Variants in PPARGC1A observed in about 807,000 individuals in gnomAD.
PPARGC1A encodes peroxisome proliferator-activated receptor gamma coactivator 1-alpha.
In PPARGC1A, 25 loss-of-function variants were observed where a neutral mutation model predicts 88.7. That is an observed-to-expected ratio of 0.28 (90% confidence interval 0.21 to 0.39). PPARGC1A has a LOEUF of 0.39. Ranked by LOEUF, PPARGC1A falls within the 10% of genes least tolerant of loss-of-function variation. The pLI is 1.00. For missense variants in PPARGC1A, 880 were observed against 968.7 expected (o/e 0.91, Z 1.22); for synonymous variants, 363 against 355.6 (o/e 1.02, Z -0.24).
intron 1 of PPARGC1A, among the ~76,000 whole-genome samples, 190 bp from the exon 2 acceptor site, chr4:23,885,121 T>A (rs928121334): frequency 1.3e-5 from 2 of 152,172 alleles, no homozygotes; most frequent in Non-Finnish European, 2.9e-5. Context: ...AAGGATAATT[T>A]CCCTGCTTTA....
chr4:24,017,953 T>C, the PPARGC1A span, among the ~76,000 whole-genome samples: 1 of 152,178 alleles, frequency 6.6e-6, no homozygotes, highest in African/African-American at 2.4e-5. Context: ...TCACTTATAC[T>C]CAGTCTTATA....
upstream of PPARGC1A, among the ~76,000 whole-genome samples, chr4:23,894,500 C>T (rs73099509): frequency 1.3e-3 from 198 of 147,612 alleles, no homozygotes; most frequent in African/African-American, 4.7e-3. Flanking sequence ...GAACAAAGAA[C>T]CTTTGAGGAA....
the PPARGC1A span, among the ~76,000 whole-genome samples, chr4:24,355,474 C>T: frequency 6.6e-6 from 1 of 152,030 alleles, no homozygotes; most frequent in Admixed American, 6.6e-5. Context: ...ATGCCCTCTC[C>T]CCTTCTGTAA....
At chr4:24,260,094 A>T in the PPARGC1A span, among the ~76,000 whole-genome samples, 230 of 152,324 alleles carry the variant, frequency 1.5e-3, 1 homozygote, top group Admixed American at 3.9e-3. Flanking sequence ...AAACTAGGTG[A>T]TAGGCCAAAT....
chr4:24,046,513 C>T, the PPARGC1A span, among the ~76,000 whole-genome samples: 6 of 152,100 alleles, frequency 3.9e-5, no homozygotes, highest in African/African-American at 1.5e-4. Context: ...CATCCTTCTT[C>T]TACCAGACTG....
the PPARGC1A span, among the ~76,000 whole-genome samples, chr4:24,012,503 C>T: frequency 6.6e-6 from 1 of 152,102 alleles, no homozygotes; most frequent in Non-Finnish European, 1.5e-5. Context: ...CTCCCCTCTG[C>T]CTCAGATCTT....
chr4:23,892,223 T>C (rs1044792155), upstream of PPARGC1A, among the ~76,000 whole-genome samples: 5 of 152,198 alleles, frequency 3.3e-5, no homozygotes, highest in African/African-American at 7.2e-5. Flanking sequence ...ATTCTACTTC[T>C]AAAAAATCAA....
chr4:24,279,611 G>A, the PPARGC1A span, among the ~76,000 whole-genome samples: 13 of 152,100 alleles, frequency 8.5e-5, no homozygotes, highest in Non-Finnish European at 1.8e-4. Flanking sequence ...ACTCTCCCGC[G>A]TTGATTCACA....
At chr4:24,405,951 C>G in the PPARGC1A span, among the ~76,000 whole-genome samples, 1 of 151,814 alleles carries the variant, frequency 6.6e-6, no homozygotes, top group East Asian at 1.9e-4. Context: ...CCTCCCCACT[C>G]TCACTTCTCT....
At chr4:24,346,958 C>T in the PPARGC1A span, among the ~76,000 whole-genome samples, 1 of 151,908 alleles carries the variant, frequency 6.6e-6, no homozygotes, top group Non-Finnish European at 1.5e-5. Flanking sequence ...CCAGAGGTTT[C>T]GACAGGTTCT....
At chr4:24,182,385 T>A in the PPARGC1A span, among the ~76,000 whole-genome samples, 125 of 152,360 alleles carry the variant, frequency 8.2e-4, no homozygotes, top group African/African-American at 2.8e-3. Context: ...ATTTTCTTTA[T>A]CCTGTCTATC....
the PPARGC1A span, among the ~76,000 whole-genome samples, chr4:24,237,649 C>A: frequency 6.6e-6 from 1 of 152,142 alleles, no homozygotes; most frequent in African/African-American, 2.4e-5. Flanking sequence ...CCTCTTTTCT[C>A]CTCTCTCTCT....
At chr4:23,811,064 T>G (rs1211947502) in intron 10 of PPARGC1A, among the ~76,000 whole-genome samples, 1 of 152,200 alleles carries the variant, frequency 6.6e-6, no homozygotes, top group East Asian at 1.9e-4. Context: ...CAAAATGCCT[T>G]TGAGTCAGTC....
chr4:23,980,960 A>G, the PPARGC1A span, among the ~76,000 whole-genome samples: 1 of 152,110 alleles, frequency 6.6e-6, no homozygotes, highest in Non-Finnish European at 1.5e-5. Flanking sequence ...AACGTCCACT[A>G]TGCTAGCCTT....
chr4:24,257,714 A>C, the PPARGC1A span, among the ~76,000 whole-genome samples: 1 of 152,194 alleles, frequency 6.6e-6, no homozygotes, highest in Non-Finnish European at 1.5e-5. Flanking sequence ...AATAATTAGC[A>C]AACTGTCTAA....
chr4:24,144,666 CCTT>C, the PPARGC1A span, among the ~76,000 whole-genome samples: 2 of 152,074 alleles, frequency 1.3e-5, no homozygotes, highest in African/African-American at 4.8e-5. Flanking sequence ...TCACTTCTCT[CCTT>C]CTCGCCCCAC....
the PPARGC1A span, among the ~76,000 whole-genome samples, chr4:24,443,239 T>C: frequency 7.3e-6 from 1 of 136,240 alleles, no homozygotes; most frequent in African/African-American, 2.7e-5. Flanking sequence ...CTATTTTAGT[T>C]TGAAAAATGT....
chr4:24,429,651 A>AT, the PPARGC1A span, among the ~76,000 whole-genome samples: 11,720 of 132,216 alleles, frequency 0.089, 621 homozygotes, highest in Middle Eastern at 0.13. Context: ...GACAGTGAGA[A>AT]TTTTTTTTTT....
chr4:24,371,523 G>A, the PPARGC1A span, among the ~76,000 whole-genome samples: 1 of 152,104 alleles, frequency 6.6e-6, no homozygotes, highest in Non-Finnish European at 1.5e-5. Context: ...CCAAAGAGCT[G>A]ACAGAATATC....
Sources: gnomAD v4.1 joint callset for allele counts (sites outside exome capture counted in the v4.1 genomes callset) on GRCh38, gnomAD v4.1.1 for gene constraint, MANE v1.5 for transcripts, NCBI Gene and HGNC (gene_info 2026-07-23, HGNC 2026-07-21) for gene names.